PLEKHG1: variants seen among roughly 807,000 people sequenced by gnomAD.
PLEKHG1 encodes pleckstrin homology domain-containing family G member 1.
PLEKHG1 carries 44 observed loss-of-function variants against 100.8 expected under a neutral mutation model. The observed-to-expected ratio is 0.44, with a 90% CI of 0.34 to 0.56. The LOEUF (loss-of-function observed/expected upper bound fraction) is 0.56. Ranked by LOEUF, PLEKHG1 falls within the 20% of genes least tolerant of loss-of-function variation. PLEKHG1 has a pLI of 0.01. For synonymous variants in PLEKHG1, 640 were observed against 662.5 expected, an observed-to-expected ratio of 0.97 and a Z score of 0.52; for missense variants, 1,545 against 1,720.9, an observed-to-expected ratio of 0.90 and a Z score of 1.81.
At chr6:150,634,239 G>T (rs143786485) in intron 1 of PLEKHG1, among the ~76,000 whole-genome samples, 2 of 125,400 alleles carry the variant, frequency 1.6e-5, no homozygotes, top group South Asian at 2.4e-4. Context: ...AGCAAAACTC[G>T]ATCTCCCCCC....
At chr6:150,769,003 A>G (rs1406218330) in intron 3 of PLEKHG1, among the ~76,000 whole-genome samples, 2 of 152,184 alleles carry the variant, frequency 1.3e-5, no homozygotes, top group African/African-American at 4.8e-5. Flanking sequence ...TTTCTTCCAC[A>G]ATATGACATG....
At chr6:150,736,283 G>A (rs1393251626) in intron 2 of PLEKHG1, among the ~76,000 whole-genome samples, 2 of 152,212 alleles carry the variant, frequency 1.3e-5, no homozygotes, top group Non-Finnish European at 2.9e-5. Flanking sequence ...GGACTAATAA[G>A]TAGGACCTGC....
chr6:150,759,052 G>A (rs539040902), intron 2 of PLEKHG1, among the ~76,000 whole-genome samples: 6 of 152,322 alleles, frequency 3.9e-5, no homozygotes, highest in South Asian at 4.1e-4. Flanking sequence ...TCTGTGGGAC[G>A]AGGTATATAG....
intron 4 of PLEKHG1, among the ~76,000 whole-genome samples, chr6:150,788,115 A>C (rs17080313): frequency 1.3e-3 from 191 of 152,360 alleles, no homozygotes; most frequent in African/African-American, 4.4e-3. Flanking sequence ...TTAATTATTC[A>C]CATAAAAGTT....
At chr6:150,808,208 A>G (rs2128668692) in intron 7 of PLEKHG1, among the ~76,000 whole-genome samples, 1 of 152,154 alleles carries the variant, frequency 6.6e-6, no homozygotes, top group Admixed American at 6.6e-5. Context: ...GTGTACCCAT[A>G]AAATTTTAAA....
At chr6:150,817,096 T>A (rs1260131445) in intron 10 of PLEKHG1, among the ~76,000 whole-genome samples, 2 of 152,298 alleles carry the variant, frequency 1.3e-5, no homozygotes, top group East Asian at 3.9e-4. Context: ...TACGAACTAG[T>A]ACTAGTCTGT....
chr6:150,786,442 G>A, exon 4 of PLEKHG1: 7 of 1,612,234 alleles, frequency 4.3e-6, no homozygotes, highest in Non-Finnish European at 5.9e-6. Flanking sequence ...GGCCATAGCA[G>A]AGTGTTTTGT....
At chr6:150,624,964 G>A (rs942804815) in intron 1 of PLEKHG1, 1 of 152,178 alleles carries the variant, frequency 6.6e-6, no homozygotes, top group Non-Finnish European at 1.5e-5. Flanking sequence ...GCCAAGGCAG[G>A]CAGATCACTT....
At chr6:150,660,344 GT>G (rs1303112635) in intron 3 of PLEKHG1, among the ~76,000 whole-genome samples, 1 of 152,114 alleles carries the variant, frequency 6.6e-6, no homozygotes, top group Admixed American at 6.5e-5. Flanking sequence ...ATAGAAACAT[GT>G]TTTATTTTCT....
intron 10 of PLEKHG1, 37 bp from the exon 12 acceptor site, chr6:150,818,146 A>G: frequency 6.4e-7 from 1 of 1,560,982 alleles, no homozygotes; most frequent in Non-Finnish European, 8.8e-7. Flanking sequence ...AGAAAAAAAA[A>G]GCAATTGGAA....
intron 1 of PLEKHG1, among the ~76,000 whole-genome samples, chr6:150,627,277 A>T (rs1777547866): frequency 6.6e-6 from 1 of 152,232 alleles, no homozygotes; most frequent in Non-Finnish European, 1.5e-5. Context: ...TGTATTTAAA[A>T]TCTGCAAAAT....
chr6:150,752,484 T>C (rs890669252), intron 2 of PLEKHG1, among the ~76,000 whole-genome samples: 74 of 152,214 alleles, frequency 4.9e-4, no homozygotes, highest in Non-Finnish European at 6.9e-4. Flanking sequence ...TCCAGTCTAC[T>C]TTCTGTCTCT....
At chr6:150,798,905 T>A (rs369066175) in intron 5 of PLEKHG1, among the ~76,000 whole-genome samples, 16 of 152,330 alleles carry the variant, frequency 1.1e-4, no homozygotes, top group African/African-American at 3.6e-4. Context: ...CACACCCATC[T>A]AATTTTTGTA....
intron 3 of PLEKHG1, among the ~76,000 whole-genome samples, chr6:150,667,214 C>T (rs955356550): frequency 6.6e-6 from 1 of 152,120 alleles, no homozygotes; most frequent in Admixed American, 6.5e-5. Context: ...CTTTAGTTAG[C>T]TAACTACTAA....
chr6:150,733,378 ACAC>A (rs1172536482), intron 1 of PLEKHG1, among the ~76,000 whole-genome samples: 2 of 152,158 alleles, frequency 1.3e-5, no homozygotes. Flanking sequence ...AGAGCCCGAG[ACAC>A]CACATTTCTA....
At chr6:150,830,812 C>T (rs1235886852) in exon 15 of PLEKHG1, 3 of 1,614,010 alleles carry the variant, frequency 1.9e-6, no homozygotes, top group Non-Finnish European at 2.5e-6. Flanking sequence ...CGTCATTTTC[C>T]TCCTCAGATC....
chr6:150,696,102 A>G (rs928216067), intron 3 of PLEKHG1, among the ~76,000 whole-genome samples: 1 of 152,218 alleles, frequency 6.6e-6, no homozygotes, highest in Non-Finnish European at 1.5e-5. Flanking sequence ...CTCTATATCA[A>G]TGTTGTAATG....
intron 3 of PLEKHG1, among the ~76,000 whole-genome samples, chr6:150,672,438 A>G (rs1231947366): frequency 2.6e-5 from 4 of 152,168 alleles, no homozygotes; most frequent in Non-Finnish European, 4.4e-5. Flanking sequence ...ATATTGTTTG[A>G]TCATGGAGAT....
chr6:150,675,065 G>A (rs1779712134), intron 3 of PLEKHG1, among the ~76,000 whole-genome samples: 1 of 152,056 alleles, frequency 6.6e-6, no homozygotes, highest in African/African-American at 2.4e-5. Context: ...TCAAAACTTT[G>A]GTATGGATTT....
Sources: gnomAD v4.1 joint callset for allele counts (sites outside exome capture counted in the v4.1 genomes callset) on GRCh38, gnomAD v4.1.1 for gene constraint, MANE v1.5 for transcripts, NCBI Gene and HGNC (gene_info 2026-07-23, HGNC 2026-07-21) for gene names.